Variants in COTL1 observed in about 807,000 individuals in gnomAD.
The protein encoded by COTL1 is coactosin-like protein.
Under a neutral mutation model 16.5 loss-of-function variants are expected in COTL1, and 15 were observed. The observed-to-expected ratio is 0.91, with a 90% CI of 0.61 to 1.40. The LOEUF is 1.40. Ranked by LOEUF, COTL1 falls within the 40% of genes most tolerant of loss-of-function variation. The pLI, the probability that COTL1 is intolerant of heterozygous loss-of-function variation, is 0.00. For missense variants in COTL1, 220 were observed against 201.5 expected (o/e 1.09, Z -0.56); for synonymous variants, 112 against 85.3 (o/e 1.31, Z -1.73).
At chr16:84,570,951 C>T (rs528760764) in intron 3 of COTL1, among the ~76,000 whole-genome samples, 39 of 105,372 alleles carry the variant, frequency 3.7e-4, no homozygotes, top group Admixed American at 2.7e-3. Context: ...TCCCTCATTC[C>T]TGCTTTTTTT....
intron 2 of COTL1, among the ~76,000 whole-genome samples, chr16:84,598,016 C>G (rs765708165): frequency 1.3e-5 from 2 of 152,196 alleles, no homozygotes; most frequent in Non-Finnish European, 2.9e-5. Flanking sequence ...TAGCATCACA[C>G]TGAGCCCCAT....
intron 2 of COTL1, chr16:84,615,876 T>TGTGTGTGTGTGTGTGTGTGTGTGC (rs755850381): frequency 1.3e-5 from 2 of 149,942 alleles, no homozygotes; most frequent in African/African-American, 4.9e-5. Flanking sequence ...TGTGTGTGTG[T>TGTGTGTGTGTGTGTGTGTGTGTGC]GCGCGCACGC....
intron 2 of COTL1, among the ~76,000 whole-genome samples, chr16:84,600,752 T>G (rs1905091590): frequency 6.6e-6 from 1 of 152,224 alleles, no homozygotes; most frequent in Non-Finnish European, 1.5e-5. Context: ...ATTCATTGCA[T>G]TTTCACTAGG....
chr16:84,578,987 G>C (rs6564062), intron 3 of COTL1, among the ~76,000 whole-genome samples: 1 of 150,824 alleles, frequency 6.6e-6, no homozygotes, highest in Non-Finnish European at 1.5e-5. Flanking sequence ...CCAAGCATGC[G>C]TACACACATA....
At chr16:84,612,869 G>A (rs188700867) in intron 2 of COTL1, among the ~76,000 whole-genome samples, 157 of 152,304 alleles carry the variant, frequency 1.0e-3, no homozygotes, top group African/African-American at 3.6e-3. Context: ...AGGTAGGCAT[G>A]TCAGGATTCC....
intron 2 of COTL1, among the ~76,000 whole-genome samples, chr16:84,599,745 AT>A (rs1905074651): frequency 6.6e-6 from 1 of 152,224 alleles, no homozygotes; most frequent in African/African-American, 2.4e-5. Context: ...CGGAGAGGTT[AT>A]GCAAACACGG....
intron 2 of COTL1, among the ~76,000 whole-genome samples, chr16:84,616,921 C>T (rs2966305): frequency 0.44 from 67,573 of 152,016 alleles, 15,170 homozygotes; most frequent in Middle Eastern, 0.53. Flanking sequence ...CTATCTAGCC[C>T]CAAAAGCTAA....
intron 2 of COTL1, among the ~76,000 whole-genome samples, chr16:84,599,432 A>C (rs1905069456): frequency 6.6e-6 from 1 of 152,228 alleles, no homozygotes; most frequent in Non-Finnish European, 1.5e-5. Context: ...GAAGAAATTA[A>C]GGATCCCCCA....
In COTL1 at chr16:84,566,725, G is replaced by A. The variant is rs1904300102; in HGVS notation, c.*120C>T. 4.5e-6 allele frequency: 3 copies of A among 659,852 alleles called. No individual in the cohort carries two copies. In the African/African-American group the frequency reaches 5.4e-5, roughly 12 times the overall value. 40.9% of individuals were successfully genotyped at this position (659,852 alleles called of 1,614,324 possible). On this transcript the variant is annotated 3_prime_UTR_variant, in exon 4 of 4. Transcript: ENST00000262428. ...CTGTGGACACAGGGTGGCGGGCGCT[G>A]CCTCTCATGGCTTCTTTTCTCCCTG...
intron 3 of COTL1, among the ~76,000 whole-genome samples, chr16:84,578,412 G>T (rs1016876040): frequency 6.6e-6 from 1 of 152,040 alleles, no homozygotes; most frequent in Non-Finnish European, 1.5e-5. Flanking sequence ...CTTCATATAC[G>T]CCAGGCAATT....
chr16:84,618,021 G>T lies in COTL1; in HGVS notation c.-107C>A. 3.3e-6 allele frequency: 2 copies of T among 601,218 alleles called. No homozygotes were observed. Among genetic ancestry groups the T allele is most frequent in the Non-Finnish European group, 4.5e-6 (2 of 448,176 alleles). The allele number at this position is 601,218 out of a possible 1,614,324, so 37.2% of individuals were successfully genotyped here. A position where few individuals can be genotyped will look rare whatever the true frequency, so the allele number is the denominator to read the frequency against. ...ACGCGCCGAGGGCGCACGGGCTGGC[G>T]GCGGTGGCGACGGCTACGCGGCGCC... On this transcript the variant is annotated 5_prime_UTR_variant, in exon 1 of 4. Coordinates refer to ENST00000262428, the MANE Select transcript of COTL1 (RefSeq NM_021149.5).
intron 3 of COTL1, among the ~76,000 whole-genome samples, chr16:84,580,306 C>T (rs2150683324): frequency 6.6e-6 from 1 of 152,288 alleles, no homozygotes; most frequent in Middle Eastern, 3.4e-3. Context: ...ACTGGAGTGC[C>T]ACTGCATCCT....
chr16:84,576,521 TA>T (rs1404288879), intron 3 of COTL1: 2 of 152,170 alleles, frequency 1.3e-5, no homozygotes, highest in African/African-American at 4.8e-5. Context: ...TTCTGGTACT[TA>T]CTGGTCTCTC....
rs142142163 is a variant in COTL1, at chr16:84,578,640, TACAC to T, written c.318+11461_318+11464del. Among the ~76,000 whole-genome samples, 5 of 146,256 alleles carry T rather than the reference TACAC, an allele frequency of 3.4e-5. No homozygotes were observed. The East Asian group carries it at 6.1e-4, about 18-fold the overall frequency. ...ACACCAACACACACACACGCAGGCA[TACAC>T]ACACACACAGGCATGCACCCACACA... On this transcript the variant is annotated intron_variant, in intron 3 of 3. Transcript: ENST00000262428.
chr16:84,610,283 C>A (rs1473766567), intron 2 of COTL1, among the ~76,000 whole-genome samples: 1 of 152,214 alleles, frequency 6.6e-6, no homozygotes, highest in Non-Finnish European at 1.5e-5. Context: ...CCCACTCACA[C>A]TGGCCTGAGA....
intron 3 of COTL1, among the ~76,000 whole-genome samples, chr16:84,574,223 C>A (rs1852251853): frequency 6.6e-6 from 1 of 152,218 alleles, no homozygotes; most frequent in Non-Finnish European, 1.5e-5. Context: ...CCAGGGGACA[C>A]AGCAACTTCC....
Position 84,598,967 on chromosome 16 carries a change from G to A in COTL1, c.161-8705C>T, listed in dbSNP as rs78986855. Among the ~76,000 whole-genome samples, 1,314 of 151,536 alleles carry A rather than the reference G, an allele frequency of 8.7e-3. 21 individuals carry two copies. The highest frequency in any genetic ancestry group is 0.03 in the African/African-American group (1,251 of 41,260). On this transcript the variant is annotated intron_variant, in intron 2 of 3. Transcript: ENST00000262428. ...GACCACAAAGGGGCTAGGGAGGGGGGTAAAGGCAAGAATTACCTGTAATCA... is the reference window on the plus strand; with the variant it reads ...GACCACAAAGGGGCTAGGGAGGGGGATAAAGGCAAGAATTACCTGTAATCA...
intron 2 of COTL1, 40 bp downstream of exon 2, chr16:84,617,461 C>G: frequency 1.3e-6 from 2 of 1,539,718 alleles, no homozygotes; most frequent in Non-Finnish European, 1.8e-6. Flanking sequence ...AGACAACCTC[C>G]CAACGACCGC....
intron 2 of COTL1, among the ~76,000 whole-genome samples, chr16:84,606,115 C>T (rs1364689669): frequency 6.6e-6 from 1 of 152,236 alleles, no homozygotes; most frequent in Non-Finnish European, 1.5e-5. Flanking sequence ...TGCTGACGTG[C>T]CATGCCTGCC....
Sources: allele counts gnomAD v4.1 joint callset (sites outside exome capture counted in the v4.1 genomes callset), GRCh38; gene constraint gnomAD v4.1.1; transcripts MANE v1.5; gene names NCBI Gene and HGNC (gene_info 2026-07-23, HGNC 2026-07-21).